Variants in CNTNAP3 observed in about 807,000 individuals in gnomAD.
CNTNAP3 encodes contactin-associated protein-like 3.
In CNTNAP3, 36 loss-of-function variants were observed where a neutral mutation model predicts 92.1. The observed-to-expected ratio is 0.39, with a 90% CI of 0.30 to 0.52. The LOEUF (loss-of-function observed/expected upper bound fraction) is 0.52. Among genes scored for constraint, CNTNAP3 ranks in the 20% least tolerant of loss-of-function variants. CNTNAP3 has a pLI of 0.76. For synonymous variants in CNTNAP3, 232 were observed against 422.3 expected (o/e 0.55, Z 5.53); for missense variants, 534 against 1,069.6 (o/e 0.50, Z 6.98).
chr9:39,068,683 T>C lies in CNTNAP3; in HGVS notation c.*5207A>G, dbSNP rs1825567889. On this transcript the variant is annotated 3_prime_UTR_variant, in exon 24 of 24. Transcript: ENST00000297668. ...CGCCGGTACTCTATCCTGCAATCTCTAGCCACCTTCGTGTACCTGAACTCT... is the reference window on the plus strand; with the variant it reads ...CGCCGGTACTCTATCCTGCAATCTCCAGCCACCTTCGTGTACCTGAACTCT... 6.6e-6 allele frequency among the ~76,000 whole-genome samples: 1 copy of C among 152,306 alleles called. No individual in the cohort carries two copies. The highest frequency in any genetic ancestry group is 1.5e-5 in the Non-Finnish European group (1 of 68,056).
At chr9:39,138,064 T>C (rs1328598042) in intron 12 of CNTNAP3, among the ~76,000 whole-genome samples, 4 of 150,976 alleles carry the variant, frequency 2.6e-5, no homozygotes. Flanking sequence ...TTTGTTGTTG[T>C]TGTTGTTGTA....
rs528830188 is a variant in CNTNAP3, at chr9:39,130,410, C to T, written c.2080+2522G>A. ...ACAAAGAGTACATACTATATAATTT[C>T]ATTTACATAACATTCTTGAAATTTA... On this transcript the variant is annotated intron_variant, in intron 13 of 23. Transcript: ENST00000297668. Among the ~76,000 whole-genome samples the T allele has an allele frequency of 1.2e-4, 18 of 151,102 alleles. No homozygotes were observed. In the South Asian group the frequency reaches 3.8e-3, roughly 32 times the overall value.
At chr9:39,093,608 G>C (rs4062927) in intron 18 of CNTNAP3, among the ~76,000 whole-genome samples, 1 of 151,294 alleles carries the variant, frequency 6.6e-6, no homozygotes, top group Non-Finnish European at 1.5e-5. Flanking sequence ...AGTAAACATG[G>C]AGTTATATAA....
chr9:39,151,898 T>C (rs1348237305), intron 9 of CNTNAP3, among the ~76,000 whole-genome samples: 1 of 150,440 alleles, frequency 6.6e-6, no homozygotes, highest in African/African-American at 2.4e-5. Flanking sequence ...AAATATTAGG[T>C]ATTAAACCTA....
In CNTNAP3 at chr9:39,140,601, T is replaced by A. The variant is rs777684638; in HGVS notation, c.1794A>T (p.Arg598=). ...YEQSCEAHKH[R]GNPSGLYYID... is the part of the protein sequence containing the mutation. ...TATAGTAAAGCCCAGACGGGTTCCC[T>A]CGGTGCTTGTGGGCTTCACAAGACT... The change falls in exon 12 of 24, where the codon CGA becomes CGT. Residue 598 remains arginine (R), a synonymous_variant. Coordinates refer to ENST00000297668, the MANE Select transcript of CNTNAP3 (RefSeq NM_033655.5). 6.2e-7 allele frequency: 1 copy of A among 1,613,524 alleles called. No individual in the cohort carries two copies. Among genetic ancestry groups the A allele is most frequent in the Non-Finnish European group, 8.5e-7 (1 of 1,179,732 alleles).
rs1237490105 is a variant in CNTNAP3, at chr9:39,066,913, T to C, written c.*6977A>G. Among the ~76,000 whole-genome samples the C allele has an allele frequency of 6.6e-6, 1 of 152,218 alleles. No individual in the cohort carries two copies. Among genetic ancestry groups the C allele is most frequent in the Non-Finnish European group, 1.5e-5 (1 of 68,038 alleles). ...AGTTTGCATCAAATGTGGAAAATGC[T>C]TATGTATTAATTTTTAAAAATATTT... On this transcript the variant is annotated 3_prime_UTR_variant, in exon 24 of 24. Coordinates refer to ENST00000297668, the MANE Select transcript of CNTNAP3 (RefSeq NM_033655.5).
chr9:39,124,200 T>A (rs962279179), intron 13 of CNTNAP3, among the ~76,000 whole-genome samples: 1 of 152,072 alleles, frequency 6.6e-6, no homozygotes, highest in African/African-American at 2.4e-5. Flanking sequence ...ATTAATGAAG[T>A]GGAATAGTGT....
chr9:39,077,888 T>C (rs1825820457), intron 23 of CNTNAP3, among the ~76,000 whole-genome samples: 2 of 152,220 alleles, frequency 1.3e-5, no homozygotes, highest in Admixed American at 1.3e-4. Flanking sequence ...CCAGGGAAGC[T>C]GAAATCAGCA....
chr9:39,127,595 T>C (rs1388647024), intron 13 of CNTNAP3, among the ~76,000 whole-genome samples: 1 of 152,162 alleles, frequency 6.6e-6, no homozygotes, highest in Non-Finnish European at 1.5e-5. Context: ...TCACTACAGA[T>C]GCTGGAGACA....
intron 10 of CNTNAP3, among the ~76,000 whole-genome samples, chr9:39,149,344 GTTTT>G (rs1017581474): frequency 3.3e-5 from 5 of 149,694 alleles, no homozygotes; most frequent in Non-Finnish European, 7.4e-5. Context: ...TAGAGATGCA[GTTTT>G]TGTTTTTGTT....
intron 13 of CNTNAP3, among the ~76,000 whole-genome samples, chr9:39,130,745 C>T (rs1372341666): frequency 1.3e-5 from 2 of 151,768 alleles, no homozygotes; most frequent in Non-Finnish European, 2.9e-5. Context: ...CCTCGTGATC[C>T]GCCCGCCTCG....
At chr9:39,083,559 T>C (rs1363243939) in intron 21 of CNTNAP3, among the ~76,000 whole-genome samples, 1 of 151,830 alleles carries the variant, frequency 6.6e-6, no homozygotes, top group Admixed American at 6.6e-5. Flanking sequence ...CTCAGGAAGC[T>C]GAGGCAGGAG....
At chr9:39,108,109 G>A (rs1312132061) in intron 15 of CNTNAP3, among the ~76,000 whole-genome samples, 1 of 152,096 alleles carries the variant, frequency 6.6e-6, no homozygotes, top group Non-Finnish European at 1.5e-5. Context: ...CAGCATGAGT[G>A]TCAGAATATT....
At position 39,150,080 on chromosome 9, in the gene CNTNAP3, C is replaced by G. The variant is rs552897826; in HGVS notation, c.1478-103G>C. The G allele has an allele frequency of 4.5e-4, 338 of 750,534 alleles. No homozygotes were observed. In the African/African-American group the frequency reaches 5.4e-3, roughly 12 times the overall value. The allele number at this position is 750,534 out of a possible 1,614,324, so 46.5% of individuals were successfully genotyped here. On this transcript the variant is annotated intron_variant, in intron 9 of 23. Coordinates refer to ENST00000297668, the MANE Select transcript of CNTNAP3 (RefSeq NM_033655.5). ...GCTGCTCCCGCTTGTTTATGGACAT[C>G]GGTATGATGCGATGAGCTTCACCAT...
At chr9:39,109,138 G>C in intron 15 of CNTNAP3, 22 bp downstream of exon 15, 1 of 1,599,686 alleles carries the variant, frequency 6.3e-7, no homozygotes, top group Non-Finnish European at 8.5e-7. Flanking sequence ...TGAAAATAAA[G>C]CTTTTTCTTG....
chr9:39,082,800 C>G (rs185080166), intron 21 of CNTNAP3, among the ~76,000 whole-genome samples: 13 of 152,406 alleles, frequency 8.5e-5, no homozygotes, highest in Admixed American at 7.8e-4. Context: ...TTCATCTGCA[C>G]CCATCACTGC....
intron 9 of CNTNAP3, among the ~76,000 whole-genome samples, chr9:39,151,031 G>A (rs1276191701): frequency 1.4e-5 from 2 of 147,778 alleles, no homozygotes; most frequent in Non-Finnish European, 3.0e-5. Context: ...GTAAGGAAAA[G>A]GATGAAAGTA....
rs963162521 is a variant in CNTNAP3, at chr9:39,159,646, A to G, written c.1477+6287T>C. On this transcript the variant is annotated intron_variant, in intron 9 of 23. Coordinates refer to ENST00000297668, the MANE Select transcript of CNTNAP3 (RefSeq NM_033655.5). The stretch of plus-strand genomic sequence containing the variant: ...CACGCCTGGAGATAGATAGATAGAT[A>G]GATAGATAGATAGATAGATAGATAG... 17 of 138,378 alleles carry G rather than the reference A, an allele frequency of 1.2e-4. 2 individuals carry two copies. The highest frequency in any genetic ancestry group is 2.0e-4 in the Non-Finnish European group (13 of 65,640). 8.6% of individuals were successfully genotyped at this position (138,378 alleles called of 1,614,324 possible). A position where few individuals can be genotyped will look rare whatever the true frequency, so the allele number is the denominator to read the frequency against.
In CNTNAP3 at chr9:39,120,820, A is replaced by G. The variant is rs371528909; in HGVS notation, c.2081-2561T>C. On this transcript the variant is annotated intron_variant, in intron 13 of 23. Transcript: ENST00000297668. ...AGGATTCTTGGAACATCAGGAAAAA[A>G]ATGAAAAGAGAAGAAATATGGATAA... Among the ~76,000 whole-genome samples, 18 of 152,344 alleles carry G rather than the reference A, an allele frequency of 1.2e-4. No individual in the cohort carries two copies. In the South Asian group the frequency reaches 3.1e-3, roughly 26 times the overall value.
Sources: gnomAD v4.1 joint callset for allele counts (sites outside exome capture counted in the v4.1 genomes callset) on GRCh38, gnomAD v4.1.1 for gene constraint, MANE v1.5 for transcripts, NCBI Gene and HGNC (gene_info 2026-07-23, HGNC 2026-07-21) for gene names.